Variants in DNAH1 observed in about 807,000 individuals in gnomAD.
The protein encoded by DNAH1 is dynein axonemal heavy chain 1, also known as axonemal beta dynein heavy chain 1.
Under a neutral mutation model 484.3 loss-of-function variants are expected in DNAH1, and 327 were observed. The observed-to-expected ratio is 0.68, with a 90% CI of 0.62 to 0.74. DNAH1 has a LOEUF of 0.74. DNAH1 is among the 30% of genes least tolerant of loss of function. DNAH1 has a pLI of 0.00. For synonymous variants in DNAH1, 2,192 were observed against 2,191.9 expected, an observed-to-expected ratio of 1.00 and a Z score of 0.00; for missense variants, 5,052 against 5,546.8, an observed-to-expected ratio of 0.91 and a Z score of 2.83.
At chr3:52,399,275 G>C in intron 76 of DNAH1, 74 bp downstream of exon 76, 1 of 1,456,182 alleles carries the variant, frequency 6.9e-7, no homozygotes, top group South Asian at 1.3e-5. Flanking sequence ...CTGAGGCCAC[G>C]GTTGGTTGGC....
At chr3:52,363,932 C>T (rs1702966654) in intron 32 of DNAH1, among the ~76,000 whole-genome samples, 1 of 152,016 alleles carries the variant, frequency 6.6e-6, no homozygotes, top group Non-Finnish European at 1.5e-5. Context: ...TGCCGGCGCT[C>T]CCACACACCC....
Position 52,353,877 on chromosome 3 carries a change from A to G in DNAH1, c.3480+244A>G, listed in dbSNP as rs1420409904. The G allele has an allele frequency of 1.8e-6, 1 of 549,484 alleles. No homozygotes were observed. The highest frequency in any genetic ancestry group is 3.2e-6 in the Non-Finnish European group (1 of 312,154). 34.0% of individuals were successfully genotyped at this position (549,484 alleles called of 1,614,324 possible). A position where few individuals can be genotyped will look rare whatever the true frequency, so the allele number is the denominator to read the frequency against. Reference sequence around the variant, plus strand: ...CTCTCAAGAGCCCCAGGAAGGAGCTAATAGCATTAGCCTCAATTTAACAGA... The same window carrying G: ...CTCTCAAGAGCCCCAGGAAGGAGCTGATAGCATTAGCCTCAATTTAACAGA... On this transcript the variant is annotated intron_variant, in intron 20 of 77. Transcript: ENST00000420323. This position sits in a 1 kb window ranked among gnomAD's most constrained non-coding sequence, Gnocchi z 5.0.
At chr3:52,322,324 G>A in intron 1 of DNAH1, 85 bp from the exon 2 acceptor site, 1 of 900,196 alleles carries the variant, frequency 1.1e-6, no homozygotes, top group Non-Finnish European at 1.7e-6. Context: ...GGGGCTTGTG[G>A]CAGGCAGGCA....
At chr3:52,389,338 C>T in intron 59 of DNAH1, 123 bp from the exon 60 acceptor site, 24 of 1,395,856 alleles carry the variant, frequency 1.7e-5, no homozygotes, top group Non-Finnish European at 2.4e-5. Context: ...GATTAGAATG[C>T]AGGTATCTGG....
intron 22 of DNAH1, among the ~76,000 whole-genome samples, chr3:52,357,141 G>C (rs902290602): frequency 2.0e-5 from 3 of 149,376 alleles, no homozygotes; most frequent in East Asian, 2.0e-4. Context: ...TTCACCTCCC[G>C]GAGGCTGAGA....
Position 52,375,984 on chromosome 3 carries a change from G to T in DNAH1, c.7189G>T (p.Glu2397Ter). The change falls in exon 46 of 78, where the codon GAG becomes TAG. Residue 2397 changes from glutamate to a stop codon, truncating the protein, a stop_gained. Coordinates refer to ENST00000420323, the MANE Select transcript of DNAH1 (RefSeq NM_015512.5). LOFTEE classifies it high-confidence loss of function. ...DGLLGEKSYR[E>*]RVPGAPHIAH... is the part of the protein sequence containing the mutation. ...ACTCCTTGGAGAAAAAAGCTACCGG[G>T]AGCGTGTGCGTAAGTGTGGGCCTGG... The T allele has an allele frequency of 1.2e-6, 2 of 1,612,420 alleles. No individual in the cohort carries two copies. Among genetic ancestry groups the T allele is most frequent in the Non-Finnish European group, 1.7e-6 (2 of 1,179,476 alleles).
Position 52,353,802 on chromosome 3 carries a change from A to G in DNAH1, c.3480+169A>G. On this transcript the variant is annotated intron_variant, in intron 20 of 77. Transcript: ENST00000420323. The surrounding 1 kb of genome is among the most constrained non-coding windows in gnomAD (Gnocchi z 5.0). ...ATTCTATTAAGTGAGTTAATAATGCACATAAAATTCTTGACAGTGTCCACC... is the reference window on the plus strand; with the variant it reads ...ATTCTATTAAGTGAGTTAATAATGCGCATAAAATTCTTGACAGTGTCCACC... The G allele has an allele frequency of 1.1e-6, 1 of 903,700 alleles. No individual in the cohort carries two copies. The highest frequency in any genetic ancestry group is 1.6e-6 in the Non-Finnish European group (1 of 611,292). 56.0% of individuals were successfully genotyped at this position (903,700 alleles called of 1,614,324 possible). A position where few individuals can be genotyped will look rare whatever the true frequency, so the allele number is the denominator to read the frequency against.
chr3:52,400,155 C>A (rs761407711), intron 77 of DNAH1, among the ~76,000 whole-genome samples, 170 bp from the exon 78 acceptor site: 1 of 152,208 alleles, frequency 6.6e-6, no homozygotes, highest in Admixed American at 6.5e-5. Context: ...AATACAGTAA[C>A]CCTGGGCAGG....
At chr3:52,348,027 T>C (rs1702218725) in intron 12 of DNAH1, 53 bp downstream of exon 12, 2 of 1,548,618 alleles carry the variant, frequency 1.3e-6, no homozygotes, top group African/African-American at 2.7e-5. Context: ...TGGCTGCTGA[T>C]GGCTCCCTGA....
Position 52,331,162 on chromosome 3 carries a change from C to A in DNAH1, c.886C>A (p.Gln296Lys). 1.3e-6 allele frequency: 2 copies of A among 1,596,314 alleles called. No homozygotes were observed. The highest frequency in any genetic ancestry group is 1.8e-5 in the Admixed American group (1 of 57,096). ...TCCTGTTTCAGAGGACCCCAAGAGT[C>A]AGAAGCTGAAGTACAAATGGTGCGA... ...DFLGHEDPKS[Q>K]KLKYKWCEVG... is the part of the protein sequence containing the mutation. Residue 296 changes from glutamine (Q) to lysine (K), a missense_variant, in exon 7 of 78, where the codon CAG becomes AAG. Around this residue, in one of 4 missense-constraint regions of DNAH1, gnomAD observed 1,263 missense variants for 1,218.8 expected, o/e 1.04. Transcript: ENST00000420323.
At chr3:52,312,119 G>C (rs962961163), upstream of DNAH1, among the ~76,000 whole-genome samples, 3 of 152,204 alleles carry the variant, frequency 2.0e-5, no homozygotes, top group Non-Finnish European at 4.4e-5. Flanking sequence ...GGCAGGGACC[G>C]AGGGTCCAGC....
At position 52,396,329 on chromosome 3, in the gene DNAH1, A is replaced by G. The variant is rs745781052; in HGVS notation, c.11260-39A>G. 42 of 1,545,652 alleles carry G rather than the reference A, an allele frequency of 2.7e-5. No homozygotes were observed. In the South Asian group the frequency reaches 5.0e-4, roughly 19 times the overall value. On this transcript the variant is annotated intron_variant, in intron 70 of 77. Coordinates refer to ENST00000420323, the MANE Select transcript of DNAH1 (RefSeq NM_015512.5). ...AGCCTGGTGTCAGGGTGGCCACCAG[A>G]TATGGGTCTCAATGCTCACGTGGAG...
Position 52,352,010 on chromosome 3 carries a change from G to A in DNAH1, c.2778G>A (p.Leu926=), listed in dbSNP as rs1237837128. 5.6e-6 allele frequency: 9 copies of A among 1,600,674 alleles called. No individual in the cohort carries two copies. The highest frequency in any genetic ancestry group is 7.7e-6 in the Non-Finnish European group (9 of 1,173,836). The change falls in exon 17 of 78, where the codon CTG becomes CTA. Residue 926 remains leucine, a synonymous_variant. Coordinates refer to ENST00000420323, the MANE Select transcript of DNAH1 (RefSeq NM_015512.5). ...WPSKILGQIE[L]VQQQHVEDEE... is the part of the protein sequence containing the mutation. ...CTAAGATCCTTGGGCAGATAGAGCTGGTGCAGCAGCAGCATGTGGAGGATG... is the reference window on the plus strand; with the variant it reads ...CTAAGATCCTTGGGCAGATAGAGCTAGTGCAGCAGCAGCATGTGGAGGATG...
intron 52 of DNAH1, among the ~76,000 whole-genome samples, chr3:52,384,373 C>T (rs1039894214): frequency 6.6e-6 from 1 of 152,118 alleles, no homozygotes; most frequent in African/African-American, 2.4e-5. Context: ...CGGTGACAGT[C>T]CCAACATTTC....
intron 52 of DNAH1, 46 bp from the exon 53 acceptor site, chr3:52,384,740 T>C: frequency 1.3e-6 from 2 of 1,514,508 alleles, no homozygotes; most frequent in Non-Finnish European, 1.8e-6. Flanking sequence ...TCCCTGTCTT[T>C]CCTGGGGCCT....
At chr3:52,318,283 C>T (rs28413740) in intron 1 of DNAH1, among the ~76,000 whole-genome samples, 1,750 of 152,342 alleles carry the variant, frequency 0.011, 33 homozygotes, top group African/African-American at 0.039. Context: ...CTCCTGACCT[C>T]GGGTGATCCG....
At position 52,353,577 on chromosome 3, in the gene DNAH1, A is replaced by G; in HGVS notation, c.3424A>G (p.Ile1142Val). Residue 1142 changes from isoleucine (I) to valine (V), a missense_variant, in exon 20 of 78, where the codon ATC becomes GTC. Ile to Val is a conservative substitution (Grantham distance 29). This residue lies in a region of DNAH1 where 2,929 missense variants were observed against 3,409.4 expected (regional missense o/e 0.86). Coordinates refer to ENST00000420323, the MANE Select transcript of DNAH1 (RefSeq NM_015512.5). The surrounding 1 kb of genome is among the most constrained non-coding windows in gnomAD (Gnocchi z 5.0). ...RCLEMNLQDH[I>V]ESISKVAEVA... ...CCTGGAGATGAACCTGCAGGACCATATCGAGAGCATCAGCAAGGTGGCTGA... is the reference window on the plus strand; with the variant it reads ...CCTGGAGATGAACCTGCAGGACCATGTCGAGAGCATCAGCAAGGTGGCTGA... The G allele has an allele frequency of 1.2e-5, 19 of 1,612,476 alleles. No individual in the cohort carries two copies. Among genetic ancestry groups the G allele is most frequent in the Non-Finnish European group, 1.5e-5 (18 of 1,179,338 alleles).
At position 52,358,298 on chromosome 3, in the gene DNAH1, C is replaced by T. The variant is rs940109654; in HGVS notation, c.4087-260C>T. On this transcript the variant is annotated intron_variant, in intron 24 of 77. Coordinates refer to ENST00000420323, the MANE Select transcript of DNAH1 (RefSeq NM_015512.5). The surrounding 1 kb of genome is among the most constrained non-coding windows in gnomAD (Gnocchi z 4.2). ...GTCTTCCCTCATCTATGCAGGAGGC[C>T]GGGGACATGCAAGGCAGTCAGCCTC... is the stretch of plus-strand genomic sequence containing the variant. 2.0e-5 allele frequency among the ~76,000 whole-genome samples: 3 copies of T among 152,218 alleles called. No homozygotes were observed. The highest frequency in any genetic ancestry group is 4.8e-5 in the African/African-American group (2 of 41,466).
At chr3:52,342,198 G>A (rs1701965164) in intron 8 of DNAH1, among the ~76,000 whole-genome samples, 2 of 152,258 alleles carry the variant, frequency 1.3e-5, no homozygotes, top group Non-Finnish European at 2.9e-5. Flanking sequence ...AGCAGGGCAG[G>A]GTTACTGTGG....
Sources: gnomAD v4.1 joint callset for allele counts (sites outside exome capture counted in the v4.1 genomes callset) on GRCh38, gnomAD v4.1.1 for gene constraint, gnomAD v4.1.1 regional missense constraint, Gnocchi (gnomAD v3.1) non-coding constraint, MANE v1.5 for transcripts, NCBI Gene and HGNC (gene_info 2026-07-23, HGNC 2026-07-21) for gene names.